ZDHHC17: variants seen among roughly 807,000 people sequenced by gnomAD.
ZDHHC17 encodes zDHHC palmitoyltransferase 17.
ZDHHC17 carries 40 observed loss-of-function variants against 90.3 expected under a neutral mutation model. That is an observed-to-expected ratio of 0.44 (90% CI 0.34 to 0.58). The LOEUF is 0.58. Ranked by LOEUF, ZDHHC17 falls within the 20% of genes least tolerant of loss-of-function variation. ZDHHC17 has a pLI of 0.01. For missense variants in ZDHHC17, 614 were observed against 780.8 expected (o/e 0.79, Z 2.55); for synonymous variants, 235 against 252.4 (o/e 0.93, Z 0.65).
At chr12:76,784,829 TG>T (rs748700937) in intron 1 of ZDHHC17, among the ~76,000 whole-genome samples, 1 of 152,206 alleles carries the variant, frequency 6.6e-6, no homozygotes, top group African/African-American at 2.4e-5. Context: ...GTCAAAGCAA[TG>T]GCTACCAGTG....
intron 3 of ZDHHC17, among the ~76,000 whole-genome samples, chr12:76,807,215 T>C (rs1214668376): frequency 1.3e-5 from 2 of 152,264 alleles, no homozygotes; most frequent in Non-Finnish European, 2.9e-5. Flanking sequence ...GTTCGAGCAC[T>C]GTCAGCTGCG....
intron 11 of ZDHHC17, among the ~76,000 whole-genome samples, chr12:76,842,514 G>A (rs1953447363): frequency 6.6e-6 from 1 of 152,136 alleles, no homozygotes; most frequent in African/African-American, 2.4e-5. Flanking sequence ...ACCATCCAGG[G>A]CATCCCTTTC....
intron 7 of ZDHHC17, among the ~76,000 whole-genome samples, chr12:76,817,936 A>C (rs1307818660): frequency 6.6e-6 from 1 of 152,184 alleles, no homozygotes; most frequent in Non-Finnish European, 1.5e-5. Flanking sequence ...TCATGCGAAT[A>C]CTTTCCAGAG....
chr12:76,800,081 T>C (rs1343590207), intron 2 of ZDHHC17, among the ~76,000 whole-genome samples: 3 of 152,208 alleles, frequency 2.0e-5, no homozygotes, highest in Non-Finnish European at 4.4e-5. Context: ...GAATACTTCA[T>C]GTTTTGGATT....
chr12:76,776,453 A>C (rs1422077523), intron 1 of ZDHHC17, among the ~76,000 whole-genome samples: 2 of 152,298 alleles, frequency 1.3e-5, no homozygotes, highest in East Asian at 3.9e-4. Flanking sequence ...ATGCTTGTAC[A>C]TTTAAATATA....
chr12:76,841,420 T>G (rs1953433215), intron 10 of ZDHHC17, among the ~76,000 whole-genome samples: 3 of 152,184 alleles, frequency 2.0e-5, no homozygotes, highest in South Asian at 4.1e-4. Flanking sequence ...ATTTAAATTG[T>G]TTTTTGATAA....
chr12:76,822,359 C>T (rs1449811818), intron 7 of ZDHHC17, 47 bp from the exon 8 acceptor site: 4 of 1,597,186 alleles, frequency 2.5e-6, no homozygotes, highest in Non-Finnish European at 3.4e-6. Flanking sequence ...ACTAAGATAG[C>T]CTGCTTTTAA....
chr12:76,821,987 CCTA>C (rs1953168254), intron 7 of ZDHHC17, among the ~76,000 whole-genome samples: 1 of 152,164 alleles, frequency 6.6e-6, no homozygotes, highest in African/African-American at 2.4e-5. Context: ...TCTGAAGACT[CCTA>C]TCATTGTTGA....
chr12:76,781,863 CATA>C (rs1193820897), intron 1 of ZDHHC17, among the ~76,000 whole-genome samples: 1 of 152,118 alleles, frequency 6.6e-6, no homozygotes, highest in Non-Finnish European at 1.5e-5. Flanking sequence ...ATCTCAAAAA[CATA>C]ATGTTAACTG....
At chr12:76,849,186 G>A (rs1323350914) in intron 15 of ZDHHC17, among the ~76,000 whole-genome samples, 190 bp from the exon 16 acceptor site, 3 of 95,322 alleles carry the variant, frequency 3.1e-5, no homozygotes, top group African/African-American at 4.1e-5. Flanking sequence ...GCATGCGCCT[G>A]TAATCCCAGC....
At chr12:76,784,032 C>T (rs1383127314) in intron 1 of ZDHHC17, among the ~76,000 whole-genome samples, 1 of 152,202 alleles carries the variant, frequency 6.6e-6, no homozygotes, top group African/African-American at 2.4e-5. Flanking sequence ...GACTTCTGAC[C>T]TCTAGAACTA....
intron 10 of ZDHHC17, among the ~76,000 whole-genome samples, chr12:76,839,156 G>T (rs1258740969): frequency 6.6e-6 from 1 of 152,174 alleles, no homozygotes; most frequent in Non-Finnish European, 1.5e-5. Context: ...GCTTCCTAAA[G>T]ACCACATCTC....
At chr12:76,817,111 A>G (rs911114055) in intron 7 of ZDHHC17, among the ~76,000 whole-genome samples, 9 of 152,108 alleles carry the variant, frequency 5.9e-5, no homozygotes, top group African/African-American at 2.2e-4. Flanking sequence ...GGTAGTTTTC[A>G]TGACTGCTGG....
chr12:76,849,707 C>A, intron 16 of ZDHHC17: 1 of 295,446 alleles, frequency 3.4e-6, no homozygotes, highest in Non-Finnish European at 6.1e-6. Context: ...TGTATTCAGT[C>A]TGGTGCTTAG....
intron 5 of ZDHHC17, chr12:76,813,503 T>G: frequency 3.3e-6 from 1 of 302,754 alleles, no homozygotes; most frequent in Non-Finnish European, 6.5e-6. Flanking sequence ...TCTAATGTAG[T>G]GGTTCTCAGA....
chr12:76,797,941 C>CCACA (rs60610921), intron 2 of ZDHHC17, among the ~76,000 whole-genome samples: 14,485 of 147,478 alleles, frequency 0.098, 772 homozygotes, highest in Non-Finnish European at 0.13. Context: ...TGAAACTCTG[C>CCACA]CACACACACA....
intron 4 of ZDHHC17, 149 bp from the exon 5 acceptor site, chr12:76,809,564 A>C: frequency 1.7e-6 from 1 of 580,456 alleles, no homozygotes. Context: ...ATAAAATCCT[A>C]AATGTATTTT....
Position 76,822,550 on chromosome 12 carries a change from ATTTTTT to A in ZDHHC17, c.897+35_897+40del, listed in dbSNP as rs10618043. ...TGATAAGGTAAACTCATAACTGAAG[ATTTTTT>A]TTTTTTTTTTTTTTTGAGACGGAGT... is the stretch of plus-strand genomic sequence containing the variant. On this transcript the variant is annotated intron_variant, in intron 8 of 16. Coordinates refer to ENST00000426126, the MANE Select transcript of ZDHHC17 (RefSeq NM_015336.4). 193 of 1,214,640 alleles carry A rather than the reference ATTTTTT, an allele frequency of 1.6e-4. No individual in the cohort carries two copies. Among genetic ancestry groups the A allele is most frequent in the Admixed American group, 3.8e-4 (13 of 33,838 alleles). 75.2% of individuals were successfully genotyped at this position (1,214,640 alleles called of 1,614,324 possible).
intron 1 of ZDHHC17, among the ~76,000 whole-genome samples, chr12:76,778,899 GTC>G (rs1162663319): frequency 6.6e-6 from 1 of 152,144 alleles, no homozygotes. Context: ...TTCTTCTGAG[GTC>G]TCTCTGCTTA....
Sources: gnomAD v4.1 joint callset for allele counts (sites outside exome capture counted in the v4.1 genomes callset) on GRCh38, gnomAD v4.1.1 for gene constraint, MANE v1.5 for transcripts, NCBI Gene and HGNC (gene_info 2026-07-23, HGNC 2026-07-21) for gene names.